Variants in CNTN4 observed in about 807,000 individuals in gnomAD.
CNTN4 encodes the protein contactin 4.
In CNTN4, 77 loss-of-function variants were observed where a neutral mutation model predicts 122.5. That is an observed-to-expected ratio of 0.63 (90% CI 0.52 to 0.76). CNTN4 has a LOEUF of 0.76. Among genes scored for constraint, CNTN4 ranks in the 30% least tolerant of loss-of-function variants. The probability of loss-of-function intolerance (pLI) is 0.00; values close to 1 mark genes in which losing one functional copy is unlikely to be tolerated. For missense variants in CNTN4, 1,256 were observed against 1,259.1 expected, an observed-to-expected ratio of 1.00 and a Z score of 0.04; for synonymous variants, 512 against 447.0, an observed-to-expected ratio of 1.15 and a Z score of -1.83.
chr3:2,513,596 T>C (rs918662725), intron 3 of CNTN4, among the ~76,000 whole-genome samples: 61 of 152,194 alleles, frequency 4.0e-4, no homozygotes, highest in African/African-American at 1.4e-3. Flanking sequence ...ATTTGATTTT[T>C]ATTTTCCATT....
intron 4 of CNTN4, among the ~76,000 whole-genome samples, chr3:2,580,000 C>T (rs929036885): frequency 6.6e-6 from 1 of 151,808 alleles, no homozygotes; most frequent in Non-Finnish European, 1.5e-5. Context: ...ATAATAAATA[C>T]CTATGCAGAA....
chr3:2,816,319 A>C (rs1369769375), intron 6 of CNTN4, among the ~76,000 whole-genome samples: 8 of 150,408 alleles, frequency 5.3e-5, no homozygotes, highest in African/African-American at 2.0e-4. Flanking sequence ...GTGGCACTGC[A>C]CTCCAGCCTG....
At chr3:2,673,401 C>T (rs914880501) in intron 4 of CNTN4, among the ~76,000 whole-genome samples, 6 of 152,186 alleles carry the variant, frequency 3.9e-5, no homozygotes, top group African/African-American at 1.4e-4. Context: ...GAAATGCACA[C>T]TCCTTTGCAA....
chr3:2,297,625 C>T (rs539334203), intron 2 of CNTN4, among the ~76,000 whole-genome samples: 9 of 152,198 alleles, frequency 5.9e-5, no homozygotes, highest in African/African-American at 2.2e-4. Flanking sequence ...TTTTATTTTC[C>T]GTCTACCTAC....
intron 8 of CNTN4, among the ~76,000 whole-genome samples, chr3:2,867,866 A>C (rs938169014): frequency 6.6e-6 from 1 of 152,146 alleles, no homozygotes; most frequent in Non-Finnish European, 1.5e-5. Flanking sequence ...TTTTTAAAGC[A>C]TATGTAGTAC....
chr3:2,106,093 G>C (rs1302802456), intron 2 of CNTN4, among the ~76,000 whole-genome samples: 22 of 152,236 alleles, frequency 1.4e-4, no homozygotes, highest in African/African-American at 5.3e-4. Context: ...GATGCAGGAG[G>C]TGGGCTCCCA....
intron 12 of CNTN4, among the ~76,000 whole-genome samples, chr3:2,913,414 G>C (rs1055619105): frequency 5.3e-5 from 8 of 152,130 alleles, no homozygotes; most frequent in Admixed American, 2.6e-4. Context: ...CTCTCTGTAA[G>C]AGACACACTT....
intron 15 of CNTN4, among the ~76,000 whole-genome samples, chr3:3,028,487 C>T (rs1698915196): frequency 2.0e-5 from 3 of 152,196 alleles, no homozygotes; most frequent in Admixed American, 6.5e-5. Flanking sequence ...ACTTCTGAAT[C>T]GCAAAATCAA....
At chr3:2,479,201 T>C (rs927019920) in intron 3 of CNTN4, among the ~76,000 whole-genome samples, 16 of 152,292 alleles carry the variant, frequency 1.1e-4, no homozygotes, top group African/African-American at 3.8e-4. Flanking sequence ...GAGAAAAAAA[T>C]AATAACTTTA....
At chr3:2,465,860 G>A (rs1437622175) in intron 3 of CNTN4, among the ~76,000 whole-genome samples, 16 of 152,130 alleles carry the variant, frequency 1.1e-4, no homozygotes, top group Admixed American at 1.0e-3. Flanking sequence ...ACAGTTTACT[G>A]AGATAATTTA....
At chr3:2,517,531 TAGGGCGTA>T (rs1010854743) in intron 3 of CNTN4, among the ~76,000 whole-genome samples, 8 of 152,244 alleles carry the variant, frequency 5.3e-5, no homozygotes, top group Middle Eastern at 3.4e-3. Flanking sequence ...GTTCTTACGG[TAGGGCGTA>T]ATGCCATGCA....
intron 3 of CNTN4, among the ~76,000 whole-genome samples, chr3:2,545,560 A>G (rs2078209024): frequency 6.6e-6 from 1 of 150,770 alleles, no homozygotes; most frequent in Non-Finnish European, 1.5e-5. Flanking sequence ...GGTTGCATAT[A>G]TATTTAGGGT....
At chr3:2,728,864 A>G (rs1438131929) in intron 4 of CNTN4, among the ~76,000 whole-genome samples, 1 of 152,204 alleles carries the variant, frequency 6.6e-6, no homozygotes, top group Non-Finnish European at 1.5e-5. Context: ...ACCCAAGACC[A>G]GGTGTTTAAT....
chr3:2,633,118 T>A (rs957560933), intron 4 of CNTN4, among the ~76,000 whole-genome samples: 1 of 152,050 alleles, frequency 6.6e-6, no homozygotes, highest in African/African-American at 2.4e-5. Context: ...GTTTCTATAT[T>A]CCAAAGAATT....
chr3:3,053,865 C>T lies in CNTN4; in HGVS notation c.2870C>T (p.Ser957Leu), dbSNP rs779923148. The T allele has an allele frequency of 9.3e-6, 15 of 1,613,980 alleles. No individual in the cohort carries two copies. The highest frequency in any genetic ancestry group is 1.2e-5 in the Non-Finnish European group (14 of 1,179,994). ...STSVIETNKT[S>L]VELSLPFDED... ...TCTGTCATTGAAACAAATAAAACAT[C>T]GGTGGAGCTTTCTTTGCCTTTCGAT... The change falls in exon 24 of 25, where the codon TCG (serine) becomes TTG (leucine). Residue 957 changes from serine (S) to leucine (L), a missense_variant. By Grantham distance (145) the Ser-to-Leu change is moderately radical. Coordinates refer to ENST00000418658, the MANE Select transcript of CNTN4 (RefSeq NM_175607.3).
At chr3:3,037,111 C>G (rs1359612924) in intron 17 of CNTN4, 68 bp from the exon 18 acceptor site, 7 of 1,546,522 alleles carry the variant, frequency 4.5e-6, no homozygotes, top group Non-Finnish European at 6.3e-6. Context: ...TCCTATCTTC[C>G]TAACGTAATC....
chr3:2,758,436 G>T (rs900573066), intron 6 of CNTN4, among the ~76,000 whole-genome samples: 2 of 151,080 alleles, frequency 1.3e-5, no homozygotes, highest in Non-Finnish European at 2.9e-5. Flanking sequence ...TCCAATAAAG[G>T]TGCATATTCC....
chr3:2,817,096 T>C (rs1335207021), intron 6 of CNTN4, among the ~76,000 whole-genome samples: 1 of 152,208 alleles, frequency 6.6e-6, no homozygotes, highest in Non-Finnish European at 1.5e-5. Context: ...CCTAAACATG[T>C]GCATAAGTAT....
chr3:2,383,569 A>G (rs1489371793), intron 3 of CNTN4, among the ~76,000 whole-genome samples: 3 of 152,136 alleles, frequency 2.0e-5, no homozygotes, highest in Non-Finnish European at 4.4e-5. Context: ...TCAAGAATCC[A>G]TAAATGTAAC....
Sources: allele counts gnomAD v4.1 joint callset (sites outside exome capture counted in the v4.1 genomes callset), GRCh38; gene constraint gnomAD v4.1.1; transcripts MANE v1.5; gene names NCBI Gene and HGNC (gene_info 2026-07-23, HGNC 2026-07-21).